Variants in FAM170A observed in about 807,000 individuals in gnomAD.
FAM170A encodes the protein family with sequence similarity 170 member A, also known as protein FAM170A.
A neutral mutation model predicts 36.6 loss-of-function variants in FAM170A; 28 were observed. The observed-to-expected ratio is 0.76, with a 90% CI of 0.57 to 1.05. FAM170A has a LOEUF of 1.05. Among genes scored for constraint, FAM170A ranks in the 50% least tolerant of loss-of-function variants. The pLI is 0.00. For missense variants in FAM170A, 434 were observed against 396.5 expected (o/e 1.09, Z -0.80); for synonymous variants, 156 against 143.9 (o/e 1.08, Z -0.60).
intron 1 of FAM170A, 72 bp downstream of exon 1, chr5:119,629,910 G>A (rs1247395317): frequency 1.3e-5 from 17 of 1,267,464 alleles, no homozygotes; most frequent in Middle Eastern, 1.9e-4. Flanking sequence ...TTTCTTTTTT[G>A]AGACGGAGTC....
intron 1 of FAM170A, among the ~76,000 whole-genome samples, chr5:119,630,966 C>T (rs900384604): frequency 1.3e-5 from 2 of 152,164 alleles, no homozygotes; most frequent in African/African-American, 4.8e-5. Context: ...AGTGAAACCA[C>T]GGAGGTTTGA....
chr5:119,632,494 C>G (rs1279507381), intron 1 of FAM170A, among the ~76,000 whole-genome samples: 2 of 152,234 alleles, frequency 1.3e-5, no homozygotes, highest in African/African-American at 4.8e-5. Context: ...CAAAGGCTAT[C>G]TGGTATGTAT....
exon 3 of FAM170A, chr5:119,634,252 G>A (rs766618151): frequency 1.9e-6 from 3 of 1,614,168 alleles, no homozygotes; most frequent in Admixed American, 1.7e-5. Context: ...AGGTTGTGAG[G>A]GTAGGTACTC....
Position 119,632,985 on chromosome 5 carries a change from C to T in FAM170A, c.211+97C>T, listed in dbSNP as rs769838574. On this transcript the variant is annotated intron_variant, in intron 2 of 4. Coordinates refer to ENST00000613773, the Ensembl canonical transcript of FAM170A. ...TGTGGGGCTCTGTGGGCATGAGACT[C>T]TTTGGTTGCAGTGCTGCTTGGGTGT... 3.4e-4 allele frequency: 468 copies of T among 1,369,902 alleles called. 1 individual carries two copies. Among genetic ancestry groups the T allele is most frequent in the Middle Eastern group, 2.1e-3 (9 of 4,304 alleles). 84.9% of individuals were successfully genotyped at this position (1,369,902 alleles called of 1,614,324 possible).
Position 119,629,708 on chromosome 5 carries a change from C to G in FAM170A, c.-61C>G. ...TTCCTGAGAGCCAAGAAGGGCCAAT[C>G]TACAGGAAAAAGTGGGAGGTGGACA... On this transcript the variant is annotated 5_prime_UTR_variant, in exon 1 of 5. In the 5' UTR this introduces an upstream ATG that the reference lacks. Coordinates refer to ENST00000613773, the Ensembl canonical transcript of FAM170A. 7.5e-7 allele frequency: 1 copy of G among 1,324,844 alleles called. No homozygotes were observed. Among genetic ancestry groups the G allele is most frequent in the South Asian group, 1.2e-5 (1 of 83,868 alleles). 82.1% of individuals were successfully genotyped at this position (1,324,844 alleles called of 1,614,324 possible).
exon 3 of FAM170A, chr5:119,634,267 C>G (rs1756325751): frequency 2.5e-6 from 4 of 1,614,076 alleles, no homozygotes; most frequent in Admixed American, 1.7e-5. Flanking sequence ...GTACTCCCCC[C>G]TCTGATGTGT....
intron 1 of FAM170A, 81 bp from the exon 2 acceptor site, chr5:119,632,667 C>T: frequency 7.4e-7 from 1 of 1,348,832 alleles, no homozygotes; most frequent in Middle Eastern, 1.9e-4. Context: ...GTCAGCCACT[C>T]AGTAAATATT....
intron 2 of FAM170A, among the ~76,000 whole-genome samples, chr5:119,633,217 C>A (rs895190019): frequency 6.6e-6 from 1 of 152,054 alleles, no homozygotes; most frequent in Non-Finnish European, 1.5e-5. Context: ...GGGTAGGGGG[C>A]AGGAGGCCCA....
At chr5:119,633,350 G>C (rs1756297085) in intron 2 of FAM170A, among the ~76,000 whole-genome samples, 2 of 152,110 alleles carry the variant, frequency 1.3e-5, no homozygotes, top group South Asian at 4.1e-4. Flanking sequence ...CAGTGTAGGA[G>C]AGCATGAGCC....
At chr5:119,629,892 G>A (rs1756203749) in intron 1 of FAM170A, 54 bp downstream of exon 1, 13 of 1,400,630 alleles carry the variant, frequency 9.3e-6, no homozygotes, top group Admixed American at 5.3e-5. Context: ...AGCCTGAGCC[G>A]CCTTCTTTTT....
exon 3 of FAM170A, chr5:119,634,454 G>C (rs755792878): frequency 6.2e-7 from 1 of 1,614,188 alleles, no homozygotes; most frequent in South Asian, 1.1e-5. Context: ...CTGCTGCCGG[G>C]TGTTCACCAC....
intron 2 of FAM170A, among the ~76,000 whole-genome samples, chr5:119,633,232 T>G (rs1385418144): frequency 1.3e-5 from 2 of 152,062 alleles, no homozygotes; most frequent in Non-Finnish European, 2.9e-5. Context: ...GGCCCATAGA[T>G]CCAAGGATGA....
At chr5:119,634,587 A>G in exon 3 of FAM170A, 1 of 1,613,592 alleles carries the variant, frequency 6.2e-7, no homozygotes, top group Non-Finnish European at 8.5e-7. Flanking sequence ...CAAGATGAGC[A>G]GGAGGAGGAA....
At chr5:119,630,057 A>T (rs1455343486) in intron 1 of FAM170A, among the ~76,000 whole-genome samples, 1 of 149,160 alleles carries the variant, frequency 6.7e-6, no homozygotes, top group Non-Finnish European at 1.5e-5. Context: ...ACGCCCGGCT[A>T]ATTTTTTGTA....
At chr5:119,633,263 C>A (rs888378045) in intron 2 of FAM170A, among the ~76,000 whole-genome samples, 10 of 152,030 alleles carry the variant, frequency 6.6e-5, no homozygotes, top group African/African-American at 2.2e-4. Flanking sequence ...AAACCCAGGG[C>A]AGTTGGATAT....
intron 2 of FAM170A, 123 bp from the exon 3 acceptor site, chr5:119,633,837 G>A (rs775377009): frequency 1.0e-5 from 13 of 1,261,018 alleles, no homozygotes; most frequent in Non-Finnish European, 1.3e-5. Context: ...CAAATACCAA[G>A]CTCACTACAC....
Position 119,631,157 on chromosome 5 carries a change from T to G in FAM170A, c.70+1319T>G, listed in dbSNP as rs980985589. On this transcript the variant is annotated intron_variant, in intron 1 of 4. Transcript: ENST00000613773. ...CAAGCCACTTATCCTGAAAGGGGGA[T>G]GCTCACATGCAGGAGACAGGGCAGA... Among the ~76,000 whole-genome samples, 4 of 152,142 alleles carry G rather than the reference T, an allele frequency of 2.6e-5. No individual in the cohort carries two copies. The South Asian group carries it at 8.3e-4, about 32-fold the overall frequency.
At chr5:119,632,848 C>T (rs2126972847) in exon 2 of FAM170A, 1 of 1,612,826 alleles carries the variant, frequency 6.2e-7, no homozygotes, top group African/African-American at 1.3e-5. Context: ...CCTCCGAATA[C>T]TGCTCCTGCG....
At chr5:119,634,585 G>C in exon 3 of FAM170A, 1 of 1,613,596 alleles carries the variant, frequency 6.2e-7, no homozygotes, top group Non-Finnish European at 8.5e-7. Context: ...CCCAAGATGA[G>C]CAGGAGGAGG....
Sources: allele counts gnomAD v4.1 joint callset (sites outside exome capture counted in the v4.1 genomes callset), GRCh38; gene constraint gnomAD v4.1.1; transcripts MANE v1.5; gene names NCBI Gene and HGNC (gene_info 2026-07-23, HGNC 2026-07-21).